The following ADK variants were observed in gnomAD, a reference collection of about 807,000 sequenced individuals.
ADK encodes N6,N6-dimethyladenosine kinase.
In ADK, 24 loss-of-function variants were observed where a neutral mutation model predicts 44.7. That is an observed-to-expected ratio of 0.54 (90% CI 0.39 to 0.76). ADK has a LOEUF of 0.76. Among genes scored for constraint, ADK ranks in the 30% least tolerant of loss-of-function variants. ADK has a pLI of 0.00. For missense variants in ADK, 321 were observed against 425.1 expected (o/e 0.76, Z 2.15); for synonymous variants, 128 against 142.6 (o/e 0.90, Z 0.73).
At chr10:74,501,078 A>G (rs1847869390) in intron 6 of ADK, among the ~76,000 whole-genome samples, 1 of 152,232 alleles carries the variant, frequency 6.6e-6, no homozygotes, top group Non-Finnish European at 1.5e-5. Flanking sequence ...TTATAAAGTG[A>G]TACTTTCATA....
chr10:74,412,405 C>T lies in ADK; in HGVS notation c.555+13826C>T, dbSNP rs191647307. ...ATCCTCCCACTGCGGCCTCCCAAAGCGCTGGGATTGCAGGTGTGAGCCACC... is the reference window on the plus strand; with the variant it reads ...ATCCTCCCACTGCGGCCTCCCAAAGTGCTGGGATTGCAGGTGTGAGCCACC... On this transcript the variant is annotated intron_variant, in intron 6 of 10. Transcript: ENST00000539909. 5.7e-3 allele frequency among the ~76,000 whole-genome samples: 866 copies of T among 152,184 alleles called. 12 individuals carry two copies. The highest frequency in any genetic ancestry group is 0.02 in the African/African-American group (823 of 41,540).
chr10:74,672,785 T>C (rs1855236768), intron 10 of ADK, among the ~76,000 whole-genome samples: 1 of 152,206 alleles, frequency 6.6e-6, no homozygotes, highest in Non-Finnish European at 1.5e-5. Flanking sequence ...ATATATATAT[T>C]AACTAATTTA....
intron 7 of ADK, among the ~76,000 whole-genome samples, chr10:74,584,375 T>C (rs1353325208): frequency 2.0e-5 from 3 of 152,176 alleles, no homozygotes; most frequent in Non-Finnish European, 2.9e-5. Context: ...ATGTACTGAG[T>C]GACTGGCTCA....
chr10:74,359,116 A>G lies in ADK; in HGVS notation c.274-35025A>G, dbSNP rs371596458. Among the ~76,000 whole-genome samples, 25 of 152,104 alleles carry G rather than the reference A, an allele frequency of 1.6e-4. 1 individual carries two copies. The highest frequency in any genetic ancestry group is 1.2e-4 in the African/African-American group (5 of 41,416). ...TTTCATCCATTTTGAGTTGATTTTT[A>G]TACATGGTATAAGATGAGGATCTAG... On this transcript the variant is annotated intron_variant, in intron 4 of 10. Coordinates refer to ENST00000539909, the MANE Select transcript of ADK (RefSeq NM_006721.4).
At chr10:74,490,168 G>A (rs925630712) in intron 6 of ADK, among the ~76,000 whole-genome samples, 7 of 151,832 alleles carry the variant, frequency 4.6e-5, no homozygotes, top group African/African-American at 1.5e-4. Context: ...AAGAAAATAA[G>A]CATGTTTTTA....
chr10:74,195,306 T>C (rs4746182), intron 1 of ADK, among the ~76,000 whole-genome samples: 4,860 of 152,316 alleles, frequency 0.032, 275 homozygotes, highest in African/African-American at 0.11. Flanking sequence ...TAGTATTTAC[T>C]GGCCTGGACA....
chr10:74,236,656 A>G (rs1259239830), intron 3 of ADK, among the ~76,000 whole-genome samples: 3 of 152,184 alleles, frequency 2.0e-5, no homozygotes, highest in African/African-American at 7.2e-5. Context: ...GTTTTCCTAT[A>G]CAGGCACACC....
chr10:74,350,056 G>A (rs1369038853), intron 4 of ADK, among the ~76,000 whole-genome samples: 1 of 152,164 alleles, frequency 6.6e-6, no homozygotes, highest in African/African-American at 2.4e-5. Flanking sequence ...GGACCAAGCG[G>A]ACCTAATAGA....
At chr10:74,156,245 G>C (rs1424672411) in intron 1 of ADK, among the ~76,000 whole-genome samples, 1 of 152,168 alleles carries the variant, frequency 6.6e-6, no homozygotes, top group Non-Finnish European at 1.5e-5. Flanking sequence ...GGCCTAGACT[G>C]AATATTCAGC....
chr10:74,408,740 A>G (rs1161078237), intron 6 of ADK, among the ~76,000 whole-genome samples: 2 of 152,206 alleles, frequency 1.3e-5, no homozygotes, highest in African/African-American at 2.4e-5. Flanking sequence ...AAAAAATGCT[A>G]TAATATCATA....
chr10:74,687,768 T>G (rs1855846575), intron 10 of ADK, among the ~76,000 whole-genome samples: 1 of 152,212 alleles, frequency 6.6e-6, no homozygotes, highest in Admixed American at 6.5e-5. Context: ...TTGATTCCGC[T>G]TTAAGGATGT....
chr10:74,649,309 A>G (rs1357734260), intron 9 of ADK, among the ~76,000 whole-genome samples: 1 of 152,210 alleles, frequency 6.6e-6, no homozygotes, highest in Non-Finnish European at 1.5e-5. Flanking sequence ...AATACACTTA[A>G]TTGCTAGCTT....
intron 6 of ADK, among the ~76,000 whole-genome samples, chr10:74,408,128 T>A (rs963857068): frequency 6.6e-6 from 1 of 151,610 alleles, no homozygotes; most frequent in Non-Finnish European, 1.5e-5. Context: ...TATAGGCACC[T>A]ACCACCATGC....
At chr10:74,383,627 T>A (rs1040052805) in intron 4 of ADK, among the ~76,000 whole-genome samples, 2 of 152,140 alleles carry the variant, frequency 1.3e-5, no homozygotes, top group Non-Finnish European at 2.9e-5. Flanking sequence ...TTATGTAACA[T>A]AGAGGGAAAT....
chr10:74,159,022 T>C (rs1433301419), intron 1 of ADK, among the ~76,000 whole-genome samples: 1 of 152,194 alleles, frequency 6.6e-6, no homozygotes, highest in Non-Finnish European at 1.5e-5. Context: ...AGAAGATACA[T>C]TCTGATGATT....
intron 3 of ADK, among the ~76,000 whole-genome samples, chr10:74,283,196 C>A (rs1027163571): frequency 1.3e-5 from 2 of 151,990 alleles, no homozygotes; most frequent in African/African-American, 4.8e-5. Context: ...TACTAATTAC[C>A]ACACTTTCTT....
At chr10:74,193,563 T>C (rs1405780941) in intron 1 of ADK, among the ~76,000 whole-genome samples, 2 of 152,168 alleles carry the variant, frequency 1.3e-5, no homozygotes, top group Non-Finnish European at 2.9e-5. Flanking sequence ...GGCAGAAGTA[T>C]AGCTTGAGCC....
chr10:74,576,177 A>G (rs1851177487), intron 7 of ADK, among the ~76,000 whole-genome samples: 1 of 152,210 alleles, frequency 6.6e-6, no homozygotes, highest in African/African-American at 2.4e-5. Flanking sequence ...AAGCAACAGA[A>G]AAGTGAGAGA....
In ADK at chr10:74,461,121, A is replaced by G. The variant is rs147479949; in HGVS notation, c.555+62542A>G. Among the ~76,000 whole-genome samples the G allele has an allele frequency of 2.5e-3, 374 of 151,962 alleles. 2 individuals are homozygous for G. The highest frequency in any genetic ancestry group is 8.6e-3 in the African/African-American group (355 of 41,254). ...AGCAAGTCCTTAGAGTAAACCAACT[A>G]TAAACTTAAGAAACCGGAAATAGAA... On this transcript the variant is annotated intron_variant, in intron 6 of 10. Transcript: ENST00000539909.
Sources: allele counts gnomAD v4.1 joint callset (sites outside exome capture counted in the v4.1 genomes callset), GRCh38; gene constraint gnomAD v4.1.1; transcripts MANE v1.5; gene names NCBI Gene and HGNC (gene_info 2026-07-23, HGNC 2026-07-21).